Variants in SLC26A5 observed in about 807,000 individuals in gnomAD.
SLC26A5 encodes prestin.
SLC26A5 carries 51 observed loss-of-function variants against 81.0 expected under a neutral mutation model. That is an observed-to-expected ratio of 0.63 (90% CI 0.50 to 0.80). SLC26A5 has a LOEUF of 0.80. Among genes scored for constraint, SLC26A5 ranks in the 30% least tolerant of loss-of-function variants. The pLI, the probability that SLC26A5 is intolerant of heterozygous loss-of-function variation, is 0.00. For synonymous variants in SLC26A5, 325 were observed against 332.8 expected (o/e 0.98, Z 0.25); for missense variants, 771 against 905.8 (o/e 0.85, Z 1.91).
chr7:103,374,296 G>A lies in SLC26A5; in HGVS notation c.*103C>T. 1 of 1,543,908 alleles carries A rather than the reference G, an allele frequency of 6.5e-7. No individual in the cohort carries two copies. The highest frequency in any genetic ancestry group is 8.7e-7 in the Non-Finnish European group (1 of 1,145,824). On this transcript the variant is annotated 3_prime_UTR_variant, in exon 20 of 20. Transcript: ENST00000306312. ...CCTCCAAATCAAGCCTGGACTACTA[G>A]TATTCACCCTTAGAAAAAAAAATCT...
At chr7:103,378,893 T>A (rs1040496274) in intron 16 of SLC26A5, among the ~76,000 whole-genome samples, 7 of 151,962 alleles carry the variant, frequency 4.6e-5, no homozygotes, top group Non-Finnish European at 8.8e-5. Context: ...TAGGGTTGAG[T>A]TCTAAACATG....
intron 7 of SLC26A5, among the ~76,000 whole-genome samples, chr7:103,408,979 T>C (rs995758564): frequency 1.3e-5 from 2 of 152,204 alleles, no homozygotes; most frequent in Non-Finnish European, 2.9e-5. Flanking sequence ...AGTATGATAA[T>C]AGCTATTATG....
chr7:103,362,008 C>T lies in SLC26A5; in HGVS notation c.2042-9082G>A, dbSNP rs146114386. On this transcript the variant is annotated intron_variant, in intron 19 of 19. Transcript: ENST00000339444. ...CGGAGGACCCAAAATACATTATCAA[C>T]GTAAAGCAGTTTGCCAAGTTTGTGG... 427 of 1,613,820 alleles carry T rather than the reference C, an allele frequency of 2.6e-4. 5 individuals carry two copies. In the African/African-American group the frequency reaches 4.3e-3, roughly 16 times the overall value.
intron 2 of SLC26A5, among the ~76,000 whole-genome samples, chr7:103,435,994 C>T (rs1165719262): frequency 6.6e-6 from 1 of 151,988 alleles, no homozygotes; most frequent in Non-Finnish European, 1.5e-5. Context: ...TTATAAAACA[C>T]ATTTTAATAT....
intron 19 of SLC26A5, chr7:103,364,176 C>T: frequency 6.2e-7 from 1 of 1,614,152 alleles, no homozygotes; most frequent in Non-Finnish European, 8.5e-7. Flanking sequence ...CATTGAGCCT[C>T]CCAAGGGCGT....
chr7:103,389,381 A>T lies in SLC26A5; in HGVS notation c.1355T>A (p.Phe452Tyr), dbSNP rs777676306. 11 of 1,614,140 alleles carry T rather than the reference A, an allele frequency of 6.8e-6. 1 individual carries two copies. In the South Asian group the frequency reaches 1.2e-4, roughly 18 times the overall value. The change falls in exon 13 of 20, where the codon TTT becomes TAT. Residue 452 changes from phenylalanine (F) to tyrosine (Y), a missense_variant. Coordinates refer to ENST00000306312, the MANE Select transcript of SLC26A5 (RefSeq NM_198999.3). ...AAAGGGGAGATCTGAGAACTGCATA[A>T]ACATTCCCTTCAGGTTGACAATCAC... ...AIVIVNLKGMFMQFSDLPFFW... is the reference protein window; with the variant it reads ...AIVIVNLKGMYMQFSDLPFFW...
chr7:103,380,331 G>A (rs1821673810), intron 15 of SLC26A5, 149 bp downstream of exon 15: 2 of 629,344 alleles, frequency 3.2e-6, no homozygotes, highest in Non-Finnish European at 5.7e-6. Flanking sequence ...TTATAAAATT[G>A]AATCCATATA....
rs201353285 is a variant in SLC26A5, at chr7:103,367,921, C to T, written c.2041+8887G>A. ...GGTGCTGAGATTAGAAGCGTCTGCA[C>T]AGAGGCTGGTATGTTTGCCATCAGA... On this transcript the variant is annotated intron_variant, in intron 19 of 19. Transcript: ENST00000339444. This position sits in a 1 kb window ranked among gnomAD's most constrained non-coding sequence, Gnocchi z 6.1. 2.4e-5 allele frequency: 38 copies of T among 1,613,974 alleles called. 1 individual carries two copies.
intron 6 of SLC26A5, among the ~76,000 whole-genome samples, chr7:103,410,872 G>A (rs142989351): frequency 9.7e-4 from 148 of 152,046 alleles, no homozygotes; most frequent in Non-Finnish European, 1.3e-3. Context: ...CTTGTGATTC[G>A]CCTGCCTCAG....
chr7:103,393,396 G>A (rs894230534), intron 9 of SLC26A5, among the ~76,000 whole-genome samples: 1 of 152,106 alleles, frequency 6.6e-6, no homozygotes. Flanking sequence ...AAGAAGCGAG[G>A]GTCAGCAAAG....
At chr7:103,357,691 C>T (rs535780250) in intron 19 of SLC26A5, among the ~76,000 whole-genome samples, 16 of 152,286 alleles carry the variant, frequency 1.1e-4, no homozygotes, top group African/African-American at 3.8e-4. Flanking sequence ...ACACTATTCA[C>T]AAAGAGCCAA....
At chr7:103,423,732 G>A (rs1309981718) in intron 2 of SLC26A5, among the ~76,000 whole-genome samples, 1 of 152,084 alleles carries the variant, frequency 6.6e-6, no homozygotes, top group Non-Finnish European at 1.5e-5. Flanking sequence ...ATTGTTCTTG[G>A]ACCTCCCAGC....
rs1398931067 is a variant in SLC26A5 at position 103,397,931 on chromosome 7, C to A, written c.971+1G>T. ...ACAGTTACTTAAAACCACTTTCCTA[C>A]CCTAGAGGAAGTGTTCCAACGACAT... is the stretch of plus-strand genomic sequence containing the variant. On this transcript the variant is annotated splice_donor_variant, in intron 9 of 19. Coordinates refer to ENST00000306312, the MANE Select transcript of SLC26A5 (RefSeq NM_198999.3). LOFTEE classifies it high-confidence loss of function. The A allele has an allele frequency of 1.2e-6, 2 of 1,612,202 alleles. No individual in the cohort carries two copies. The highest frequency in any genetic ancestry group is 1.7e-6 in the Non-Finnish European group (2 of 1,178,386).
chr7:103,427,767 T>A (rs1825802311), intron 2 of SLC26A5, among the ~76,000 whole-genome samples: 1 of 152,090 alleles, frequency 6.6e-6, no homozygotes, highest in Non-Finnish European at 1.5e-5. Context: ...CAGGGTCAAC[T>A]ACACCAGGGT....
intron 12 of SLC26A5, 142 bp downstream of exon 12, chr7:103,390,287 G>T: frequency 1.3e-6 from 1 of 789,938 alleles, no homozygotes; most frequent in Non-Finnish European, 2.2e-6. Context: ...GCAGGATCTT[G>T]GTCCTAGCCT....
chr7:103,390,470 C>A lies in SLC26A5; in HGVS notation c.1270G>T (p.Val424Phe), dbSNP rs147328805. ...AAGAGGAATCCAGTTGCTAATATGA[C>A]CAGCAGAATCATTAATGAGGCCAAA... ...GCLASLMILL[V>F]ILATGFLFES... Residue 424 changes from valine (V) to phenylalanine (F), a missense_variant, in exon 12 of 20, where the codon GTC becomes TTC. By Grantham distance (50) the Val-to-Phe change is conservative (BLOSUM62 -1). Transcript: ENST00000306312. 2.5e-6 allele frequency: 4 copies of A among 1,614,138 alleles called. No homozygotes were observed. In the Admixed American group the frequency reaches 6.7e-5, roughly 27 times the overall value.
chr7:103,363,066 T>A (rs1298430429), intron 19 of SLC26A5, among the ~76,000 whole-genome samples: 3 of 152,206 alleles, frequency 2.0e-5, no homozygotes, highest in Non-Finnish European at 4.4e-5. Context: ...AGTGCTGGGA[T>A]TCCAGGCGTG....
rs748512964 is a variant in SLC26A5, at chr7:103,374,430, G to A, written c.2204C>T (p.Pro735Leu). Residue 735 changes from proline (P) to leucine (L), a missense_variant, in exon 20 of 20, where the codon CCC becomes CTC. Coordinates refer to ENST00000306312, the MANE Select transcript of SLC26A5 (RefSeq NM_198999.3). ...CTCAGGAGTGGCAGGAGTGGCATTG[G>A]GCTCCAAGTCCTCCTGGGAAGGGGG... ...SAPPSQEDLE[P>L]NATPATPEA 5.0e-6 allele frequency: 8 copies of A among 1,612,356 alleles called. No homozygotes were observed. The highest frequency in any genetic ancestry group is 5.9e-6 in the Non-Finnish European group (7 of 1,179,958).
chr7:103,429,860 T>A (rs1393099420), intron 2 of SLC26A5, among the ~76,000 whole-genome samples: 2 of 152,244 alleles, frequency 1.3e-5, no homozygotes, highest in African/African-American at 4.8e-5. Flanking sequence ...CCATAGCATG[T>A]AGTCTTGTGC....
Sources: gnomAD v4.1 joint callset for allele counts (sites outside exome capture counted in the v4.1 genomes callset) on GRCh38, gnomAD v4.1.1 for gene constraint, Gnocchi (gnomAD v3.1) non-coding constraint, MANE v1.5 for transcripts, NCBI Gene and HGNC (gene_info 2026-07-23, HGNC 2026-07-21) for gene names.